The following DPP10 variants were observed in gnomAD, a reference collection of about 807,000 sequenced individuals.
DPP10 encodes inactive dipeptidyl peptidase 10.
Under a neutral mutation model 120.9 loss-of-function variants are expected in DPP10, and 33 were observed. The ratio of observed to expected loss-of-function variants is 0.27; its 90% CI spans 0.21 to 0.37. The LOEUF is 0.37. DPP10 is among the 10% of genes least tolerant of loss of function. The pLI is 1.00. For synonymous variants in DPP10, 337 were observed against 326.1 expected (o/e 1.03, Z -0.36); for missense variants, 816 against 942.8 (o/e 0.87, Z 1.76).
intron 1 of DPP10, among the ~76,000 whole-genome samples, chr2:114,869,587 T>A (rs1474109071): frequency 6.6e-6 from 1 of 152,150 alleles, no homozygotes; most frequent in African/African-American, 2.4e-5. Context: ...TAACTTGTGG[T>A]CACAGGAATC....
At chr2:114,815,481 G>GT (rs1207923882) in intron 1 of DPP10, among the ~76,000 whole-genome samples, 3 of 152,112 alleles carry the variant, frequency 2.0e-5, no homozygotes, top group African/African-American at 7.2e-5. Context: ...GGACAGAAGG[G>GT]TTACAATCAT....
chr2:114,813,791 T>C (rs1396654889), intron 1 of DPP10, among the ~76,000 whole-genome samples: 5 of 152,102 alleles, frequency 3.3e-5, no homozygotes, highest in Non-Finnish European at 7.4e-5. Context: ...TCAGGTTTAC[T>C]TGGCTTGGAG....
rs5833580 is a variant in DPP10 at position 115,185,245 on chromosome 2, CTT to C, written c.61-123982_61-123981del. Among the ~76,000 whole-genome samples the C allele has an allele frequency of 4.1e-3, 595 of 146,626 alleles. 3 individuals carry two copies. The highest frequency in any genetic ancestry group is 6.3e-3 in the African/African-American group (254 of 40,148). The stretch of plus-strand genomic sequence containing the variant: ...TATAGTTAGAGAAGGTTTTTTGTTT[CTT>C]TTTTTTTTTTTAACTTTTAGACTAT... On this transcript the variant is annotated intron_variant, in intron 1 of 25. Transcript: ENST00000410059.
intron 1 of DPP10, chr2:115,162,119 G>T: frequency 6.6e-7 from 1 of 1,515,188 alleles, no homozygotes; most frequent in South Asian, 1.2e-5. Context: ...CTGGGCTCCC[G>T]CGCCTCCCTC....
intron 1 of DPP10, among the ~76,000 whole-genome samples, chr2:115,031,682 C>A (rs1214433572): frequency 6.6e-6 from 1 of 152,122 alleles, no homozygotes; most frequent in Non-Finnish European, 1.5e-5. Flanking sequence ...CTTTAAAACA[C>A]CTCTCAAAAA....
At chr2:115,320,056 T>C (rs1002784510) in intron 2 of DPP10, among the ~76,000 whole-genome samples, 1 of 152,192 alleles carries the variant, frequency 6.6e-6, no homozygotes, top group African/African-American at 2.4e-5. Context: ...TAGCATATAA[T>C]TTGTATCTGT....
chr2:114,569,250 T>A (rs1414079669), intron 1 of DPP10, among the ~76,000 whole-genome samples: 1 of 152,178 alleles, frequency 6.6e-6, no homozygotes, highest in East Asian at 1.9e-4. Context: ...TATGAGGAGC[T>A]GGTAAGGGAC....
chr2:115,271,281 G>A (rs1559344675), intron 1 of DPP10, among the ~76,000 whole-genome samples: 1 of 152,102 alleles, frequency 6.6e-6, no homozygotes, highest in Non-Finnish European at 1.5e-5. Flanking sequence ...AAGATACCTG[G>A]CCATTCTACT....
Position 115,134,861 on chromosome 2 carries a change from G to C in DPP10, c.61-174378G>C, listed in dbSNP as rs756515378. 3.4e-4 allele frequency among the ~76,000 whole-genome samples: 51 copies of C among 152,154 alleles called. 1 individual carries two copies. The highest frequency in any genetic ancestry group is 1.8e-3 in the Admixed American group (27 of 15,258). Reference sequence around the variant, plus strand: ...GAAAAAGCAAGATAAGTGTATTTTAGGACAAGGCTTTACATCAGATTAAAG... The same window carrying C: ...GAAAAAGCAAGATAAGTGTATTTTACGACAAGGCTTTACATCAGATTAAAG... On this transcript the variant is annotated intron_variant, in intron 1 of 25. Coordinates refer to ENST00000410059, the MANE Select transcript of DPP10 (RefSeq NM_020868.6).
At chr2:115,680,580 G>A (rs531902830) in intron 5 of DPP10, among the ~76,000 whole-genome samples, 273 of 151,946 alleles carry the variant, frequency 1.8e-3, no homozygotes, top group Non-Finnish European at 3.4e-3. Context: ...AATAATTATT[G>A]CTTAATGAAG....
intron 1 of DPP10, among the ~76,000 whole-genome samples, chr2:115,264,734 G>C (rs1359915704): frequency 6.6e-6 from 1 of 152,138 alleles, no homozygotes; most frequent in Admixed American, 6.5e-5. Context: ...CACATATTTT[G>C]GAATGATGTT....
intron 1 of DPP10, among the ~76,000 whole-genome samples, chr2:114,477,013 C>T (rs1435181664): frequency 6.6e-6 from 1 of 151,668 alleles, no homozygotes; most frequent in Non-Finnish European, 1.5e-5. Flanking sequence ...GGCTGGAGTG[C>T]AGTGGCATGA....
At chr2:114,736,612 C>T (rs1383062439) in intron 1 of DPP10, among the ~76,000 whole-genome samples, 1 of 152,044 alleles carries the variant, frequency 6.6e-6, no homozygotes, top group East Asian at 1.9e-4. Context: ...TGAAAATAGG[C>T]AATGTTGATA....
intron 1 of DPP10, among the ~76,000 whole-genome samples, chr2:114,931,493 T>G (rs1379201795): frequency 6.6e-6 from 1 of 152,172 alleles, no homozygotes; most frequent in Non-Finnish European, 1.5e-5. Context: ...CCATGAGGAC[T>G]GCACTGAGCC....
intron 5 of DPP10, among the ~76,000 whole-genome samples, chr2:115,643,153 G>A (rs575119566): frequency 2.0e-5 from 3 of 152,022 alleles, no homozygotes; most frequent in East Asian, 3.9e-4. Flanking sequence ...TGCGTAAGAA[G>A]AGCAACTGTG....
chr2:115,482,640 T>A (rs2075510386), intron 3 of DPP10, among the ~76,000 whole-genome samples: 1 of 152,082 alleles, frequency 6.6e-6, no homozygotes, highest in Non-Finnish European at 1.5e-5. Flanking sequence ...TGCAGCTCTT[T>A]ATGACTGTCT....
At chr2:115,259,383 CTGAGGCATGAGAATCACT>C (rs1181812051) in intron 1 of DPP10, among the ~76,000 whole-genome samples, 4 of 151,694 alleles carry the variant, frequency 2.6e-5, no homozygotes, top group African/African-American at 9.7e-5. Flanking sequence ...ACTTGGGAGG[CTGAGGCATGAGAATCACT>C]TGAACCCGGG....
intron 1 of DPP10, among the ~76,000 whole-genome samples, chr2:114,538,828 G>T (rs992880484): frequency 4.6e-5 from 7 of 152,170 alleles, no homozygotes; most frequent in African/African-American, 1.7e-4. Context: ...AGGTGCACCC[G>T]AGAGCACACA....
At chr2:115,048,598 G>T (rs954757119) in intron 1 of DPP10, among the ~76,000 whole-genome samples, 1 of 151,988 alleles carries the variant, frequency 6.6e-6, no homozygotes, top group African/African-American at 2.4e-5. Flanking sequence ...TTATGATCTG[G>T]GGTCTGTCCA....
Sources: allele counts gnomAD v4.1 joint callset (sites outside exome capture counted in the v4.1 genomes callset), GRCh38; gene constraint gnomAD v4.1.1; transcripts MANE v1.5; gene names NCBI Gene and HGNC (gene_info 2026-07-23, HGNC 2026-07-21).